The following KIAA1328 variants were observed in gnomAD, a reference collection of about 807,000 sequenced individuals.
KIAA1328 encodes KIAA1328, also known as protein hinderin.
In KIAA1328, 52 loss-of-function variants were observed where a neutral mutation model predicts 68.1. The ratio of observed to expected loss-of-function variants is 0.76; its 90% CI spans 0.61 to 0.96. The LOEUF (loss-of-function observed/expected upper bound fraction) is 0.96, where lower values mean the gene tolerates loss of function less well. Among genes scored for constraint, KIAA1328 ranks in the 40% least tolerant of loss-of-function variants. The pLI, the probability that KIAA1328 is intolerant of heterozygous loss-of-function variation, is 0.00. For synonymous variants in KIAA1328, 232 were observed against 239.4 expected (o/e 0.97, Z 0.28); for missense variants, 641 against 677.6 (o/e 0.95, Z 0.60).
At chr18:37,009,442 C>CTTTTTG (rs1244571949) in intron 6 of KIAA1328, among the ~76,000 whole-genome samples, 3 of 152,084 alleles carry the variant, frequency 2.0e-5, no homozygotes, top group African/African-American at 7.2e-5. Flanking sequence ...TGTTATTCCT[C>CTTTTTG]TTTTTGTCTT....
At chr18:37,095,752 TA>T (rs2057386648) in intron 7 of KIAA1328, among the ~76,000 whole-genome samples, 1 of 146,534 alleles carries the variant, frequency 6.8e-6, no homozygotes, top group African/African-American at 2.6e-5. Context: ...AACCACTAAC[TA>T]AGACTAACTA....
intron 6 of KIAA1328, among the ~76,000 whole-genome samples, chr18:37,015,371 A>G (rs771784787): frequency 1.3e-5 from 2 of 152,006 alleles, no homozygotes; most frequent in Non-Finnish European, 2.9e-5. Flanking sequence ...CTGTTTTTGT[A>G]CCAGTACCGT....
intron 5 of KIAA1328, among the ~76,000 whole-genome samples, chr18:36,936,624 A>G (rs1357442684): frequency 6.6e-6 from 1 of 152,326 alleles, no homozygotes; most frequent in East Asian, 1.9e-4. Context: ...CTTTGGATAT[A>G]TACCCAGTAA....
At chr18:36,833,876 G>T (rs1446717464) in intron 1 of KIAA1328, among the ~76,000 whole-genome samples, 1 of 152,186 alleles carries the variant, frequency 6.6e-6, no homozygotes, top group African/African-American at 2.4e-5. Flanking sequence ...CTCAGTGTTT[G>T]TTCTTCAAAG....
intron 6 of KIAA1328, among the ~76,000 whole-genome samples, chr18:37,040,351 T>C (rs928187783): frequency 6.6e-6 from 1 of 152,236 alleles, no homozygotes; most frequent in African/African-American, 2.4e-5. Flanking sequence ...ATCTAAGTTG[T>C]CTGATCTGTT....
intron 7 of KIAA1328, among the ~76,000 whole-genome samples, chr18:37,115,591 T>C (rs1357738775): frequency 6.6e-6 from 1 of 152,204 alleles, no homozygotes; most frequent in East Asian, 1.9e-4. Flanking sequence ...AGCATTCCCT[T>C]TGAAAACTGG....
At chr18:37,174,410 G>GTC (rs1296480409) in intron 9 of KIAA1328, among the ~76,000 whole-genome samples, 14 of 130,078 alleles carry the variant, frequency 1.1e-4, no homozygotes, top group African/African-American at 3.5e-4. Flanking sequence ...TTGAGATGGA[G>GTC]TCTCACTCTG....
intron 4 of KIAA1328, among the ~76,000 whole-genome samples, chr18:36,864,594 GTTTT>G (rs80149272): frequency 9.2e-5 from 12 of 129,836 alleles, no homozygotes; most frequent in African/African-American, 1.2e-4. Flanking sequence ...GTGGTCAGTA[GTTTT>G]TTTTTTTTTT....
chr18:37,097,751 G>A (rs535409306), intron 7 of KIAA1328, among the ~76,000 whole-genome samples: 2 of 152,122 alleles, frequency 1.3e-5, no homozygotes, highest in East Asian at 1.9e-4. Flanking sequence ...TTATTTCATT[G>A]AGCAGTGGTT....
intron 6 of KIAA1328, among the ~76,000 whole-genome samples, chr18:37,014,468 T>A (rs1369604556): frequency 6.6e-6 from 1 of 152,214 alleles, no homozygotes; most frequent in East Asian, 1.9e-4. Context: ...TGTATTAGTT[T>A]GTTCTCGCAT....
At chr18:36,879,960 T>C (rs529581643) in intron 4 of KIAA1328, among the ~76,000 whole-genome samples, 2 of 152,164 alleles carry the variant, frequency 1.3e-5, no homozygotes, top group Non-Finnish European at 2.9e-5. Flanking sequence ...TCTTAGCTTG[T>C]TGGGCTCTGT....
intron 6 of KIAA1328, among the ~76,000 whole-genome samples, chr18:37,004,389 G>C: frequency 6.6e-6 from 1 of 151,626 alleles, no homozygotes; most frequent in Non-Finnish European, 1.5e-5. Flanking sequence ...GAATCTACAG[G>C]GAACTCAAAC....
rs562033445 is a variant in KIAA1328 at position 37,136,615 on chromosome 18, A to C, written c.1233-23585A>C. 6.4e-4 allele frequency among the ~76,000 whole-genome samples: 97 copies of C among 152,352 alleles called. No homozygotes were observed. In the Middle Eastern group the frequency reaches 0.014, roughly 21 times the overall value. On this transcript the variant is annotated intron_variant, in intron 7 of 9. Transcript: ENST00000280020. ...GGGCCTCTTGTCTGTGTACCTCCAC[A>C]TGGAAGGCATTGCCAGGGATTCAGA... is the stretch of plus-strand genomic sequence containing the variant.
intron 8 of KIAA1328, among the ~76,000 whole-genome samples, chr18:37,161,148 C>T (rs10502671): frequency 0.14 from 20,690 of 152,114 alleles, 1,758 homozygotes; most frequent in Admixed American, 0.18. Flanking sequence ...TTCTCAAAAC[C>T]ATTAACCCAG....
chr18:37,214,996 G>C (rs939128760), intron 9 of KIAA1328, among the ~76,000 whole-genome samples: 30 of 152,188 alleles, frequency 2.0e-4, no homozygotes, highest in Non-Finnish European at 3.8e-4. Flanking sequence ...TTTGCACATT[G>C]ATTTTGTATC....
intron 6 of KIAA1328, among the ~76,000 whole-genome samples, chr18:37,030,404 T>C (rs1481788960): frequency 6.6e-6 from 1 of 152,168 alleles, no homozygotes; most frequent in Non-Finnish European, 1.5e-5. Context: ...TGTTATTTCC[T>C]CTTTGAACAG....
At chr18:37,108,076 C>T (rs1025218607) in intron 7 of KIAA1328, among the ~76,000 whole-genome samples, 3 of 152,038 alleles carry the variant, frequency 2.0e-5, no homozygotes, top group Non-Finnish European at 2.9e-5. Flanking sequence ...TGCACTTGTA[C>T]GTTCATTACT....
chr18:37,054,373 G>A (rs567355934), intron 6 of KIAA1328, among the ~76,000 whole-genome samples: 84 of 152,216 alleles, frequency 5.5e-4, no homozygotes, highest in African/African-American at 2.0e-3. Context: ...TATGTTTATT[G>A]CAGCACTATT....
intron 5 of KIAA1328, among the ~76,000 whole-genome samples, chr18:36,923,404 T>C (rs1598725183): frequency 6.6e-6 from 1 of 152,068 alleles, no homozygotes; most frequent in Non-Finnish European, 1.5e-5. Context: ...TAAAATTCTG[T>C]CATATTAATC....
Sources: allele counts gnomAD v4.1 joint callset (sites outside exome capture counted in the v4.1 genomes callset), GRCh38; gene constraint gnomAD v4.1.1; transcripts MANE v1.5; gene names NCBI Gene and HGNC (gene_info 2026-07-23, HGNC 2026-07-21).